Variants in GPR158 observed in about 807,000 individuals in gnomAD.
GPR158 encodes the protein metabotropic glycine receptor.
Under a neutral mutation model 78.2 loss-of-function variants are expected in GPR158, and 30 were observed. The observed-to-expected ratio is 0.38, with a 90% CI of 0.29 to 0.52. The LOEUF (loss-of-function observed/expected upper bound fraction) is 0.52. GPR158 is among the 20% of genes least tolerant of loss of function. The pLI is 0.83. For synonymous variants in GPR158, 581 were observed against 591.1 expected, an observed-to-expected ratio of 0.98 and a Z score of 0.25; for missense variants, 1,463 against 1,523.5, an observed-to-expected ratio of 0.96 and a Z score of 0.66.
chr10:25,436,395 C>T (rs1343352327), intron 4 of GPR158, among the ~76,000 whole-genome samples: 1 of 152,114 alleles, frequency 6.6e-6, no homozygotes, highest in Admixed American at 6.5e-5. Context: ...AAATGAGGGT[C>T]ATGAGCATTA....
intron 1 of GPR158, among the ~76,000 whole-genome samples, chr10:25,183,600 A>G (rs188537745): frequency 2.0e-5 from 3 of 152,346 alleles, no homozygotes. Context: ...TTGAGATCCA[A>G]TTAATTTTTA....
chr10:25,578,195 A>G (rs16926129), intron 7 of GPR158, among the ~76,000 whole-genome samples: 14,152 of 152,260 alleles, frequency 0.093, 860 homozygotes, highest in African/African-American at 0.17. Flanking sequence ...CTCACTGAAG[A>G]CAAAAGAATC....
At chr10:25,515,963 T>G (rs1427283389) in intron 5 of GPR158, among the ~76,000 whole-genome samples, 2 of 151,462 alleles carry the variant, frequency 1.3e-5, no homozygotes, top group Non-Finnish European at 3.0e-5. Context: ...CCACAATGGT[T>G]GAACTAGTTT....
intron 5 of GPR158, among the ~76,000 whole-genome samples, chr10:25,508,876 G>T (rs1355926484): frequency 6.6e-6 from 1 of 152,144 alleles, no homozygotes; most frequent in Non-Finnish European, 1.5e-5. Flanking sequence ...TAGCCACAGG[G>T]AGTCCATTTA....
intron 7 of GPR158, among the ~76,000 whole-genome samples, chr10:25,574,540 C>A (rs547714812): frequency 2.0e-5 from 3 of 152,080 alleles, no homozygotes; most frequent in Non-Finnish European, 4.4e-5. Flanking sequence ...GTTCTTTAAC[C>A]ATGGGTAATG....
chr10:25,579,040 A>G (rs1164206233), intron 7 of GPR158, among the ~76,000 whole-genome samples: 1 of 152,024 alleles, frequency 6.6e-6, no homozygotes, highest in African/African-American at 2.4e-5. Context: ...AAAAAAATAA[A>G]GATTAAAGGG....
At position 25,338,257 on chromosome 10, in the gene GPR158, T is replaced by C. The variant is rs185192180; in HGVS notation, c.1009-57654T>C. Among the ~76,000 whole-genome samples, 132 of 150,726 alleles carry C rather than the reference T, an allele frequency of 8.8e-4. 1 individual carries two copies. The East Asian group carries it at 0.023, about 26-fold the overall frequency. ...GAAGATTTATTATTTCTTTCATTCA[T>C]TTGGAATTGATTATTATTTAGGTGT... On this transcript the variant is annotated intron_variant, in intron 2 of 10. Transcript: ENST00000376351.
intron 1 of GPR158, among the ~76,000 whole-genome samples, chr10:25,195,080 C>T (rs569218222): frequency 3.3e-5 from 5 of 151,846 alleles, no homozygotes; most frequent in African/African-American, 9.7e-5. Flanking sequence ...AACCATGCTA[C>T]GTTTTATTTG....
chr10:25,404,838 C>G (rs1448926575), intron 3 of GPR158, among the ~76,000 whole-genome samples: 1 of 152,042 alleles, frequency 6.6e-6, no homozygotes, highest in African/African-American at 2.4e-5. Flanking sequence ...TAGGAGAGAA[C>G]TGAGCAGAGA....
intron 2 of GPR158, among the ~76,000 whole-genome samples, chr10:25,321,145 A>G (rs1854942568): frequency 6.6e-6 from 1 of 152,230 alleles, no homozygotes; most frequent in African/African-American, 2.4e-5. Context: ...TTAGAAAGTC[A>G]TAACAGACAA....
chr10:25,209,804 A>G (rs1312481248), intron 1 of GPR158, among the ~76,000 whole-genome samples: 1 of 152,172 alleles, frequency 6.6e-6, no homozygotes, highest in Non-Finnish European at 1.5e-5. Flanking sequence ...ATATTTGCTA[A>G]GTAAGCAGCC....
At chr10:25,486,995 C>T (rs886767672) in intron 5 of GPR158, among the ~76,000 whole-genome samples, 22 of 152,104 alleles carry the variant, frequency 1.4e-4, no homozygotes, top group Non-Finnish European at 3.1e-4. Context: ...TGAATGTCTG[C>T]ACTTTCATGT....
chr10:25,494,398 T>G (rs1174737930), intron 5 of GPR158, among the ~76,000 whole-genome samples: 1 of 152,192 alleles, frequency 6.6e-6, no homozygotes, highest in Non-Finnish European at 1.5e-5. Context: ...TAAAGCTATA[T>G]GAAGAAAAAA....
chr10:25,211,203 TTG>T (rs1853125004), intron 1 of GPR158, among the ~76,000 whole-genome samples: 1 of 152,150 alleles, frequency 6.6e-6, no homozygotes. Flanking sequence ...AAATTTTGCC[TTG>T]TGTTTTATGC....
intron 5 of GPR158, among the ~76,000 whole-genome samples, chr10:25,525,301 A>C (rs1335636660): frequency 1.3e-5 from 2 of 152,230 alleles, no homozygotes; most frequent in Non-Finnish European, 2.9e-5. Context: ...AAATGAAAGC[A>C]TATGTCCACA....
intron 5 of GPR158, among the ~76,000 whole-genome samples, chr10:25,536,130 C>T (rs1836497037): frequency 6.6e-6 from 1 of 151,996 alleles, no homozygotes; most frequent in Non-Finnish European, 1.5e-5. Context: ...GGCTGCAGCT[C>T]CTTTCCACCT....
intron 4 of GPR158, among the ~76,000 whole-genome samples, chr10:25,427,293 A>T (rs1395270781): frequency 6.6e-6 from 1 of 152,088 alleles, no homozygotes; most frequent in Non-Finnish European, 1.5e-5. Flanking sequence ...AACAATCATT[A>T]TGGAGGGAGA....
chr10:25,369,676 G>A (rs1833958178), intron 2 of GPR158, among the ~76,000 whole-genome samples: 1 of 151,784 alleles, frequency 6.6e-6, no homozygotes, highest in African/African-American at 2.4e-5. Flanking sequence ...GATGATGCTG[G>A]CCTCATAAAA....
At chr10:25,177,174 C>T (rs1852549085) in intron 1 of GPR158, among the ~76,000 whole-genome samples, 1 of 152,230 alleles carries the variant, frequency 6.6e-6, no homozygotes, top group East Asian at 1.9e-4. Flanking sequence ...TACTTCCTGT[C>T]TCAAACTATA....
Sources: allele counts gnomAD v4.1 joint callset (sites outside exome capture counted in the v4.1 genomes callset), GRCh38; gene constraint gnomAD v4.1.1; transcripts MANE v1.5; gene names NCBI Gene and HGNC (gene_info 2026-07-23, HGNC 2026-07-21).